SIGLEC8: variants seen among roughly 807,000 people sequenced by gnomAD.
The protein encoded by SIGLEC8 is sialic acid binding Ig like lectin 8, also known as sialic acid-binding Ig-like lectin 8.
SIGLEC8 carries 32 observed loss-of-function variants against 42.1 expected under a neutral mutation model. The ratio of observed to expected loss-of-function variants is 0.76; its 90% CI spans 0.57 to 1.02. The LOEUF (loss-of-function observed/expected upper bound fraction) is 1.02, where lower values mean the gene tolerates loss of function less well. Ranked by LOEUF, SIGLEC8 falls within the 50% of genes least tolerant of loss-of-function variation. The pLI, the probability that SIGLEC8 is intolerant of heterozygous loss-of-function variation, is 0.00. For synonymous variants in SIGLEC8, 262 were observed against 260.3 expected (o/e 1.01, Z -0.06); for missense variants, 611 against 610.2 (o/e 1.00, Z -0.01).
intron 3 of SIGLEC8, among the ~76,000 whole-genome samples, chr19:51,456,699 G>A (rs1000496456): frequency 2.0e-5 from 3 of 152,206 alleles, no homozygotes; most frequent in Admixed American, 6.5e-5. Context: ...CTGGACGGAC[G>A]CTGGTCAGTT....
rs748707537 is a variant in SIGLEC8 at position 51,455,564 on chromosome 19, AG to A, written c.904del (p.Leu302CysfsTer19). On this transcript the variant is annotated frameshift_variant, in exon 4 of 7. Coordinates refer to ENST00000321424, the MANE Select transcript of SIGLEC8 (RefSeq NM_014442.3). LOFTEE classifies it high-confidence loss of function. ...AGGGTTTGAGGACCGTGAGGGGCAC[AG>A]GGTCAGGCTCCCCCGGGTCCAGCTC... ...RLSWTRGSLTLCPSRSSNPGL... is the reference protein window; with the variant it reads ...RLSWTRGSLTXCPSRSSNPGL... 2 of 1,613,994 alleles carry A rather than the reference AG, an allele frequency of 1.2e-6. No individual in the cohort carries two copies. Among genetic ancestry groups the A allele is most frequent in the Admixed American group, 1.7e-5 (1 of 60,000 alleles).
intron 6 of SIGLEC8, chr19:51,453,853 C>T (rs923837100): frequency 2.0e-6 from 2 of 984,746 alleles, no homozygotes; most frequent in South Asian, 4.7e-5. Context: ...ACAAGCCGGT[C>T]AAAGAAATCA....
chr19:51,457,640 GTC>G lies in SIGLEC8; in HGVS notation c.552_553del (p.Pro187HisfsTer88). ...CCCAATCCAGGAGATCATGGGGGGT[GTC>G]CCCTGCTTACAGGCCCAGGGCACAG... On this transcript the variant is annotated frameshift_variant, in exon 2 of 7. Coordinates refer to ENST00000321424, the MANE Select transcript of SIGLEC8 (RefSeq NM_014442.3). LOFTEE classifies it high-confidence loss of function. 1 of 1,611,856 alleles carries G rather than the reference GTC, an allele frequency of 6.2e-7. No homozygotes were observed. Among genetic ancestry groups the G allele is most frequent in the Non-Finnish European group, 8.5e-7 (1 of 1,178,842 alleles).
At position 51,454,395 on chromosome 19, in the gene SIGLEC8, C is replaced by T. The variant is rs996982966; in HGVS notation, c.1149-80G>A. ...CAGACCAACCCCTGCCCTGTATTTC[C>T]TACTGGGGGCTTGAGGGGTGACCGA... On this transcript the variant is annotated intron_variant, in intron 5 of 6. Coordinates refer to ENST00000321424, the MANE Select transcript of SIGLEC8 (RefSeq NM_014442.3). This position sits in a 1 kb window ranked among gnomAD's most constrained non-coding sequence, Gnocchi z 4.7. 6.2e-7 allele frequency: 1 copy of T among 1,610,368 alleles called. No individual in the cohort carries two copies. The highest frequency in any genetic ancestry group is 8.5e-7 in the Non-Finnish European group (1 of 1,179,322).
Position 51,454,440 on chromosome 19 carries a change from A to G in SIGLEC8, c.1149-125T>C, listed in dbSNP as rs954175584. 1 of 1,541,598 alleles carries G rather than the reference A, an allele frequency of 6.5e-7. No homozygotes were observed. The highest frequency in any genetic ancestry group is 1.9e-5 in the Admixed American group (1 of 52,004). Reference sequence around the variant, plus strand: ...GACCGAGGCGCAACGGCGGTGGTCCAGTTCCAGAGACCCCAACGGTGAAAA... The same window carrying G: ...GACCGAGGCGCAACGGCGGTGGTCCGGTTCCAGAGACCCCAACGGTGAAAA... On this transcript the variant is annotated intron_variant, in intron 5 of 6. Transcript: ENST00000321424. This position sits in a 1 kb window ranked among gnomAD's most constrained non-coding sequence, Gnocchi z 4.7.
intron 6 of SIGLEC8, chr19:51,453,779 C>T (rs1165340201): frequency 1.0e-6 from 1 of 984,816 alleles, no homozygotes; most frequent in Non-Finnish European, 1.2e-6. Flanking sequence ...GAGAGAATTA[C>T]AGGGCCTTAA....
chr19:51,454,661 C>G lies in SIGLEC8; in HGVS notation c.1148+23G>C, dbSNP rs1203148086. The G allele has an allele frequency of 6.3e-7, 1 of 1,586,202 alleles. No homozygotes were observed. Among genetic ancestry groups the G allele is most frequent in the Non-Finnish European group, 8.7e-7 (1 of 1,155,028 alleles). ...TCTGCCCTGCCCCAGGTCTCTCTCT[C>G]CCTCCCCAGGGTCAATGCTCACATG... is the stretch of plus-strand genomic sequence containing the variant. On this transcript the variant is annotated intron_variant, in intron 5 of 6. Transcript: ENST00000321424. The surrounding 1 kb of genome is among the most constrained non-coding windows in gnomAD (Gnocchi z 4.7).
chr19:51,452,767 C>T, intron 6 of SIGLEC8, 134 bp from the exon 7 acceptor site: 1 of 772,428 alleles, frequency 1.3e-6, no homozygotes, highest in South Asian at 4.2e-5. Context: ...GTCTTTCATG[C>T]TTTCCTCCAA....
chr19:51,454,356 C>T lies in SIGLEC8; in HGVS notation c.1149-41G>A, dbSNP rs369344674. On this transcript the variant is annotated intron_variant, in intron 5 of 6. Coordinates refer to ENST00000321424, the MANE Select transcript of SIGLEC8 (RefSeq NM_014442.3). The surrounding 1 kb of genome is among the most constrained non-coding windows in gnomAD (Gnocchi z 4.7). Reference sequence around the variant, plus strand: ...AGAGAGCCTTTCAGTGTGGTCAGATCGGGGTGCAGTGGGCAGACCAACCCC... The same window carrying T: ...AGAGAGCCTTTCAGTGTGGTCAGATTGGGGTGCAGTGGGCAGACCAACCCC... 6.5e-5 allele frequency: 105 copies of T among 1,612,036 alleles called. No homozygotes were observed. The highest frequency in any genetic ancestry group is 3.5e-4 in the Admixed American group (21 of 60,000).
chr19:51,453,778 A>C (rs1349129694), intron 6 of SIGLEC8: 29 of 984,924 alleles, frequency 2.9e-5, no homozygotes, highest in Admixed American at 6.2e-5. Flanking sequence ...AGAGAGAATT[A>C]CAGGGCCTTA....
chr19:51,452,645 G>C lies in SIGLEC8; in HGVS notation c.1246-12C>G. On this transcript the variant is annotated splice_polypyrimidine_tract_variant and intron_variant, in intron 6 of 6. Transcript: ENST00000321424. ...TCAGTCAGGGGTCCCTGGACAGAGA[G>C]AGAGAAGGGAGTCAGAACAGAGCAG... 6.6e-7 allele frequency: 1 copy of C among 1,507,148 alleles called. No homozygotes were observed. Among genetic ancestry groups the C allele is most frequent in the East Asian group, 2.3e-5 (1 of 43,644 alleles). 93.4% of individuals were successfully genotyped at this position (1,507,148 alleles called of 1,614,324 possible).
chr19:51,454,173 G>A lies in SIGLEC8; in HGVS notation c.1245+46C>T. 1 of 1,612,502 alleles carries A rather than the reference G, an allele frequency of 6.2e-7. No individual in the cohort carries two copies. On this transcript the variant is annotated intron_variant, in intron 6 of 6. Coordinates refer to ENST00000321424, the MANE Select transcript of SIGLEC8 (RefSeq NM_014442.3). The surrounding 1 kb of genome is among the most constrained non-coding windows in gnomAD (Gnocchi z 4.7). ...CGATCCTGGGGGCCATCCTGTCAGA[G>A]GTGTCCAGGCTGGATGCTCGGTGTG...
Position 51,451,259 on chromosome 19 carries a change from T to A in SIGLEC8, c.*1120A>T, listed in dbSNP as rs942205288. On this transcript the variant is annotated 3_prime_UTR_variant, in exon 7 of 7. Coordinates refer to ENST00000321424, the MANE Select transcript of SIGLEC8 (RefSeq NM_014442.3). Reference sequence around the variant, plus strand: ...TCCCCCAACACATGGGGATTATAATTCTGATTACAATTCTAGATAAGATTT... The same window carrying A: ...TCCCCCAACACATGGGGATTATAATACTGATTACAATTCTAGATAAGATTT... 6.6e-6 allele frequency: 1 copy of A among 151,968 alleles called. No homozygotes were observed. Among genetic ancestry groups the A allele is most frequent in the African/African-American group, 2.4e-5 (1 of 41,346 alleles). The allele number at this position is 151,968 out of a possible 1,614,324, so 9.4% of individuals were successfully genotyped here.
intron 6 of SIGLEC8, chr19:51,453,876 A>T: frequency 4.1e-6 from 4 of 985,330 alleles, no homozygotes; most frequent in Non-Finnish European, 4.8e-6. Context: ...TCCCGCCAAT[A>T]GGAAAAATAA....
chr19:51,452,494 C>T lies in SIGLEC8; in HGVS notation c.1385G>A (p.Gly462Glu). Reference sequence around the variant, plus strand: ...GTATTCACTGTCAGTGGCCTCCTGTCCCTGCGGGTCCTGAGGCTTCACTTT... The same window carrying T: ...GTATTCACTGTCAGTGGCCTCCTGTTCCTGCGGGTCCTGAGGCTTCACTTT... The part of the protein sequence containing the change: ...FHKVKPQDPQ[G>E]QEATDSEYSE... The change falls in exon 7 of 7, where the codon GGA becomes GAA. Residue 462 changes from glycine (G) to glutamate (E), a missense_variant. Transcript: ENST00000321424. 6.2e-7 allele frequency: 1 copy of T among 1,610,844 alleles called. No homozygotes were observed. Among genetic ancestry groups the T allele is most frequent in the African/African-American group, 1.3e-5 (1 of 74,968 alleles).
rs1989385115 is a variant in SIGLEC8 at position 51,452,380 on chromosome 19, C to T, written c.1499G>A (p.Ter500=). 18 of 1,594,100 alleles carry T rather than the reference C, an allele frequency of 1.1e-5. No homozygotes were observed. The highest frequency in any genetic ancestry group is 1.5e-5 in the Non-Finnish European group (18 of 1,163,734). The change falls in exon 7 of 7, where the codon TGA becomes TAA. Residue 500 remains the stop codon, a stop_retained_variant. Transcript: ENST00000321424. ...TAGAGGGTTCTTGTTCTATGAGAAT[C>T]AGCCTCTGACTTCTTTGCTGGAGGG... ...HNPSSKEVRG[*] is the part of the protein sequence containing the mutation.
intron 3 of SIGLEC8, among the ~76,000 whole-genome samples, chr19:51,456,208 T>G (rs576014613): frequency 1.3e-5 from 2 of 150,972 alleles, no homozygotes; most frequent in East Asian, 3.9e-4. Context: ...TCCTAAAACT[T>G]AAAGTATAAT....
In SIGLEC8 at chr19:51,454,292, G is replaced by T; in HGVS notation, c.1172C>A (p.Ser391Ter). 6.2e-7 allele frequency: 1 copy of T among 1,613,840 alleles called. No homozygotes were observed. ...FIIVRSCRKK[S>*]ARPAAGVGDT... ...CCCCACGCCCGCTGCTGGCCTTGCC[G>T]ATTTCTTCCTGCAGGACCTCACTCT... The change falls in exon 6 of 7, where the codon TCG (serine) becomes TAG (stop). Residue 391 changes from serine to a stop codon, truncating the protein, a stop_gained. Transcript: ENST00000321424. LOFTEE classifies it high-confidence loss of function. This position sits in a 1 kb window ranked among gnomAD's most constrained non-coding sequence, Gnocchi z 4.7.
intron 3 of SIGLEC8, 85 bp downstream of exon 3, chr19:51,457,099 G>C: frequency 8.0e-7 from 1 of 1,247,750 alleles, no homozygotes; most frequent in African/African-American, 1.5e-5. Flanking sequence ...GTTTCCCAAA[G>C]TGATTCCAGG....
Sources: allele counts gnomAD v4.1 joint callset (sites outside exome capture counted in the v4.1 genomes callset), GRCh38; gene constraint gnomAD v4.1.1; non-coding constraint Gnocchi (gnomAD v3.1); transcripts MANE v1.5; gene names NCBI Gene and HGNC (gene_info 2026-07-23, HGNC 2026-07-21).